The following CEP131 variants were observed in gnomAD, a reference collection of about 807,000 sequenced individuals.
The protein encoded by CEP131 is centrosomal protein of 131 kDa.
CEP131 carries 99 observed loss-of-function variants against 136.8 expected under a neutral mutation model. That is an observed-to-expected ratio of 0.72 (90% CI 0.62 to 0.86). The LOEUF is 0.86. CEP131 is among the 40% of genes least tolerant of loss of function. The pLI, the probability that CEP131 is intolerant of heterozygous loss-of-function variation, is 0.00. For missense variants in CEP131, 1,459 were observed against 1,463.0 expected, an observed-to-expected ratio of 1.00 and a Z score of 0.04; for synonymous variants, 646 against 612.7, an observed-to-expected ratio of 1.05 and a Z score of -0.80.
At chr17:81,199,309 C>A in intron 10 of CEP131, 72 bp downstream of exon 10, 2 of 1,465,576 alleles carry the variant, frequency 1.4e-6, no homozygotes, top group Non-Finnish European at 1.8e-6. Flanking sequence ...GAGAGGAGGT[C>A]CACAAGGGCT....
chr17:81,194,346 C>A (rs926945023), intron 17 of CEP131, among the ~76,000 whole-genome samples: 1 of 152,188 alleles, frequency 6.6e-6, no homozygotes, highest in Non-Finnish European at 1.5e-5. Flanking sequence ...GGGCTCAGGG[C>A]TCCTGACACT....
At chr17:81,205,057 G>A (rs868753437) in intron 5 of CEP131, among the ~76,000 whole-genome samples, 13 of 151,954 alleles carry the variant, frequency 8.6e-5, no homozygotes, top group African/African-American at 3.1e-4. Context: ...TTAGGGGTTC[G>A]AGACCAGTCT....
chr17:81,205,947 T>G (rs1297693210), intron 5 of CEP131, among the ~76,000 whole-genome samples: 2 of 152,134 alleles, frequency 1.3e-5, no homozygotes, highest in Non-Finnish European at 2.9e-5. Flanking sequence ...GGCTCACGCC[T>G]ATAATCCCAG....
chr17:81,192,428 C>A lies in CEP131; in HGVS notation c.2548-36G>T, dbSNP rs140561923. On this transcript the variant is annotated intron_variant, in intron 20 of 25. Transcript: ENST00000450824. ...GACATAAGAGGCCAGTCAGTCCCAC[C>A]CCGTGCAGCCCCCTGGCCAGGCCCA... The A allele has an allele frequency of 0.016, 25,449 of 1,611,602 alleles. 250 individuals carry two copies. The highest frequency in any genetic ancestry group is 0.019 in the Non-Finnish European group (22,441 of 1,179,642).
At position 81,196,573 on chromosome 17, in the gene CEP131, C is replaced by T. The variant is rs569526814; in HGVS notation, c.1899+128G>A. The T allele has an allele frequency of 3.8e-5, 52 of 1,357,502 alleles. No homozygotes were observed. The South Asian group carries it at 4.7e-4, about 12-fold the overall frequency. The allele number at this position is 1,357,502 out of a possible 1,614,324, so 84.1% of individuals were successfully genotyped here. A position where few individuals can be genotyped will look rare whatever the true frequency, so the allele number is the denominator to read the frequency against. ...AATGGCATGGGAAAGGCTTGGAATG[C>T]GTCCAGCGGACACCCGTGTGACACC... On this transcript the variant is annotated intron_variant, in intron 15 of 25. Transcript: ENST00000450824.
chr17:81,211,011 G>A (rs2062120761), intron 2 of CEP131, among the ~76,000 whole-genome samples: 2 of 152,128 alleles, frequency 1.3e-5, no homozygotes, highest in Admixed American at 1.3e-4. Context: ...CCAGACAGAG[G>A]CCACTGTGAG....
chr17:81,221,138 A>C (rs1439320614), intron 1 of CEP131, among the ~76,000 whole-genome samples: 5 of 151,318 alleles, frequency 3.3e-5, no homozygotes, highest in South Asian at 2.1e-4. Flanking sequence ...AAAAAAAAAA[A>C]AAAAAAAACG....
At chr17:81,209,168 G>C (rs2062079777) in intron 2 of CEP131, 146 bp from the exon 3 acceptor site, 2 of 644,638 alleles carry the variant, frequency 3.1e-6, no homozygotes, top group Middle Eastern at 2.7e-4. Context: ...CAAAGGCAGT[G>C]GGTGGTCAGA....
At chr17:81,197,106 C>T (rs2061776573) in intron 13 of CEP131, 51 bp from the exon 14 acceptor site, 8 of 1,551,410 alleles carry the variant, frequency 5.2e-6, no homozygotes, top group Non-Finnish European at 7.0e-6. Flanking sequence ...CGGGGGGCAG[C>T]CAAGGACCTG....
rs1399340222 is a variant in CEP131 at position 81,193,994 on chromosome 17, C to T, written c.2253G>A (p.Glu751=). ...ASQRCLRQAE[E]LREQLEREKE... ...TCTCCCGCTCCAGCTGCTCCCGCAG[C>T]TCCTCGGCCTGGCGCAGGCAGCGCT... Residue 751 remains glutamate (E), a synonymous_variant, in exon 18 of 26, where the codon GAG becomes GAA. Transcript: ENST00000450824. The T allele has an allele frequency of 6.4e-7, 1 of 1,553,582 alleles. No homozygotes were observed. The highest frequency in any genetic ancestry group is 2.3e-5 in the East Asian group (1 of 42,636).
In CEP131 at chr17:81,196,733, T is replaced by C. The variant is rs1354787686; in HGVS notation, c.1867A>G (p.Thr623Ala). The C allele has an allele frequency of 6.2e-7, 1 of 1,604,450 alleles. No homozygotes were observed. The highest frequency in any genetic ancestry group is 8.5e-7 in the Non-Finnish European group (1 of 1,177,770). ...LQRQREHYEA[T>A]IQRHLAFIDQ... ...ATGAAGGCCAAGTGCCGCTGGATGGTGGCCTCGTAGTGCTCCCTCTGCCGC... is the reference window on the plus strand; with the variant it reads ...ATGAAGGCCAAGTGCCGCTGGATGGCGGCCTCGTAGTGCTCCCTCTGCCGC... Residue 623 changes from threonine to alanine, a missense_variant, in exon 15 of 26, where the codon ACC becomes GCC. Thr to Ala is a moderately conservative substitution (Grantham distance 58, BLOSUM62 0). This residue lies in a region of CEP131 where 1,026 missense variants were observed against 964.2 expected (regional missense o/e 1.06). Transcript: ENST00000450824.
chr17:81,198,097 G>T lies in CEP131; in HGVS notation c.1470+18C>A. ...GTGGGTGGACAGACTGTGCAGGGCG[G>T]GCGCACACCGTGGTCACCTCGCTGG... is the stretch of plus-strand genomic sequence containing the variant. On this transcript the variant is annotated intron_variant, in intron 12 of 25. Coordinates refer to ENST00000450824, the MANE Select transcript of CEP131 (RefSeq NM_014984.4). The T allele has an allele frequency of 6.5e-7, 1 of 1,545,246 alleles. No individual in the cohort carries two copies. Among genetic ancestry groups the T allele is most frequent in the Non-Finnish European group, 8.7e-7 (1 of 1,145,648 alleles).
At chr17:81,217,678 G>A (rs957865296) in intron 2 of CEP131, among the ~76,000 whole-genome samples, 2 of 152,150 alleles carry the variant, frequency 1.3e-5, no homozygotes, top group Non-Finnish European at 1.5e-5. Context: ...CGGATCGAGC[G>A]AGGGCCTCAA....
At chr17:81,193,853 C>T (rs1196625748) in intron 18 of CEP131, 73 bp downstream of exon 18, 5 of 1,473,376 alleles carry the variant, frequency 3.4e-6, no homozygotes, top group Non-Finnish European at 4.5e-6. Flanking sequence ...ATGGGAACTC[C>T]ACTCCAGCCT....
intron 5 of CEP131, 138 bp downstream of exon 5, chr17:81,206,606 A>G (rs1356806215): frequency 7.9e-7 from 1 of 1,266,410 alleles, no homozygotes; most frequent in Non-Finnish European, 1.1e-6. Flanking sequence ...TGGGAATGAA[A>G]GCCATTCTTT....
At chr17:81,217,249 G>C (rs1178269412) in intron 2 of CEP131, among the ~76,000 whole-genome samples, 2 of 152,202 alleles carry the variant, frequency 1.3e-5, no homozygotes, top group African/African-American at 4.8e-5. Context: ...TCTTGAGCCA[G>C]AAGACCAGCA....
chr17:81,200,234 G>A lies in CEP131; in HGVS notation c.906+95C>T, dbSNP rs567832423. The A allele has an allele frequency of 4.1e-6, 4 of 985,300 alleles. No individual in the cohort carries two copies. The South Asian group carries it at 6.4e-5, about 16-fold the overall frequency. The allele number at this position is 985,300 out of a possible 1,614,324, so 61.0% of individuals were successfully genotyped here. On this transcript the variant is annotated intron_variant, in intron 8 of 25. Transcript: ENST00000450824. The stretch of plus-strand genomic sequence containing the variant: ...GAGACGGGGCCCACGAGCAATCCTA[G>A]GCTTTGATTCCACCTGTCCCAGAAA...
Position 81,190,625 on chromosome 17 carries a change from C to T in CEP131, c.3107+14G>A, listed in dbSNP as rs772981057. The T allele has an allele frequency of 1.3e-6, 2 of 1,560,924 alleles. No individual in the cohort carries two copies. Among genetic ancestry groups the T allele is most frequent in the South Asian group, 1.2e-5 (1 of 85,696 alleles). On this transcript the variant is annotated intron_variant, in intron 24 of 25. Transcript: ENST00000450824. ...CCCGCCTCCGTCTCCAGCCCTGCAG[C>T]CCCCGCCGCCCACCTCCGGTGCACC...
intron 5 of CEP131, among the ~76,000 whole-genome samples, chr17:81,205,514 T>A (rs3961020): frequency 7.4e-3 from 44 of 5,986 alleles, no homozygotes; most frequent in East Asian, 0.05. Context: ...GGGGCAGGGG[T>A]GGGGAGGGTA....
Sources: allele counts gnomAD v4.1 joint callset (sites outside exome capture counted in the v4.1 genomes callset), GRCh38; gene constraint gnomAD v4.1.1; regional missense constraint gnomAD v4.1.1; transcripts MANE v1.5; gene names NCBI Gene and HGNC (gene_info 2026-07-23, HGNC 2026-07-21).